Variants in DEPTOR observed in about 807,000 individuals in gnomAD.
DEPTOR encodes DEP domain-containing mTOR-interacting protein.
DEPTOR carries 41 observed loss-of-function variants against 41.6 expected under a neutral mutation model. The observed-to-expected ratio is 0.98, with a 90% CI of 0.77 to 1.28. The LOEUF (loss-of-function observed/expected upper bound fraction) is 1.28. Ranked by LOEUF, DEPTOR falls within the 50% of genes most tolerant of loss-of-function variation. The probability of loss-of-function intolerance (pLI) is 0.00; values close to 1 mark genes in which losing one functional copy is unlikely to be tolerated. For synonymous variants in DEPTOR, 195 were observed against 192.3 expected, an observed-to-expected ratio of 1.01 and a Z score of -0.12; for missense variants, 514 against 527.9, an observed-to-expected ratio of 0.97 and a Z score of 0.26.
At chr8:120,011,238 T>C (rs1812527505) in intron 8 of DEPTOR, among the ~76,000 whole-genome samples, 1 of 152,228 alleles carries the variant, frequency 6.6e-6, no homozygotes, top group Non-Finnish European at 1.5e-5. Flanking sequence ...GATTAGGGGC[T>C]GCTTCCACCT....
intron 8 of DEPTOR, among the ~76,000 whole-genome samples, chr8:120,032,251 C>G: frequency 7.7e-6 from 1 of 130,350 alleles, no homozygotes; most frequent in East Asian, 2.3e-4. Flanking sequence ...CAAAGTCTTG[C>G]TCTGTCACCC....
chr8:119,966,429 G>C (rs1000025658), intron 4 of DEPTOR, among the ~76,000 whole-genome samples: 2 of 152,210 alleles, frequency 1.3e-5, no homozygotes, highest in Admixed American at 6.6e-5. Flanking sequence ...AGGGCCAAGA[G>C]AACACTTTCC....
intron 3 of DEPTOR, among the ~76,000 whole-genome samples, chr8:119,936,783 G>T (rs1303764861): frequency 6.6e-6 from 1 of 152,146 alleles, no homozygotes; most frequent in African/African-American, 2.4e-5. Flanking sequence ...CAGCACTTTG[G>T]GAGGCCAAGG....
At chr8:119,929,409 C>T (rs1010128896) in intron 2 of DEPTOR, among the ~76,000 whole-genome samples, 1 of 152,124 alleles carries the variant, frequency 6.6e-6, no homozygotes, top group Non-Finnish European at 1.5e-5. Context: ...CTCTCCTTAC[C>T]TCTGTAGCCT....
chr8:119,967,310 C>G (rs1458188228), intron 4 of DEPTOR, among the ~76,000 whole-genome samples: 1 of 150,936 alleles, frequency 6.6e-6, no homozygotes, highest in Non-Finnish European at 1.5e-5. Flanking sequence ...ACAGTCTTCA[C>G]CTCAGGTGAT....
At chr8:120,040,251 G>A (rs1813042417) in intron 8 of DEPTOR, among the ~76,000 whole-genome samples, 1 of 152,122 alleles carries the variant, frequency 6.6e-6, no homozygotes, top group Non-Finnish European at 1.5e-5. Flanking sequence ...ACAGGTATGG[G>A]ATGAGCATTT....
At chr8:120,032,373 C>A (rs906155192) in intron 8 of DEPTOR, among the ~76,000 whole-genome samples, 1 of 152,082 alleles carries the variant, frequency 6.6e-6, no homozygotes, top group Non-Finnish European at 1.5e-5. Flanking sequence ...GTGCCTGACA[C>A]CATTCCCAGT....
intron 3 of DEPTOR, among the ~76,000 whole-genome samples, chr8:119,934,996 T>C (rs923968967): frequency 1.3e-5 from 2 of 151,784 alleles, no homozygotes; most frequent in East Asian, 1.9e-4. Flanking sequence ...TGTGGGGGAG[T>C]ATGAGAAAGA....
At chr8:119,983,283 CTG>C (rs1204202843) in intron 4 of DEPTOR, among the ~76,000 whole-genome samples, 1 of 149,920 alleles carries the variant, frequency 6.7e-6, no homozygotes, top group Non-Finnish European at 1.5e-5. Context: ...TGGAGTCTTT[CTG>C]TGTCTCCCAG....
At chr8:120,026,585 C>T (rs1345639976) in intron 8 of DEPTOR, among the ~76,000 whole-genome samples, 1 of 152,078 alleles carries the variant, frequency 6.6e-6, no homozygotes, top group African/African-American at 2.4e-5. Flanking sequence ...TCCGGTGATC[C>T]ACCCACCTCA....
At chr8:120,025,129 C>T (rs928889671) in intron 8 of DEPTOR, among the ~76,000 whole-genome samples, 4 of 152,200 alleles carry the variant, frequency 2.6e-5, no homozygotes, top group African/African-American at 9.6e-5. Context: ...TATTTAATTA[C>T]AAGCTACGTT....
At chr8:119,907,526 G>C (rs1460595176) in intron 1 of DEPTOR, among the ~76,000 whole-genome samples, 1 of 152,152 alleles carries the variant, frequency 6.6e-6, no homozygotes, top group East Asian at 1.9e-4. Flanking sequence ...GACTTTTTAG[G>C]TAGAGAAAGA....
intron 8 of DEPTOR, among the ~76,000 whole-genome samples, chr8:120,011,728 G>A (rs7833689): frequency 0.38 from 57,695 of 152,054 alleles, 11,497 homozygotes; most frequent in East Asian, 0.59. Flanking sequence ...ATACATAACC[G>A]TTCTGGGCAT....
chr8:119,932,642 A>ATTT (rs1414133831), intron 3 of DEPTOR, among the ~76,000 whole-genome samples: 4 of 152,214 alleles, frequency 2.6e-5, no homozygotes, highest in Non-Finnish European at 5.9e-5. Context: ...TGCCTGTAGC[A>ATTT]AAGCCCCTGC....
chr8:119,936,765 T>G (rs928289886), intron 3 of DEPTOR, among the ~76,000 whole-genome samples: 7 of 152,216 alleles, frequency 4.6e-5, no homozygotes, highest in African/African-American at 1.7e-4. Context: ...GGCCCACACC[T>G]GTTATCCCAG....
intron 8 of DEPTOR, among the ~76,000 whole-genome samples, chr8:120,041,547 TA>T (rs1563600859): frequency 1.3e-5 from 2 of 152,076 alleles, no homozygotes; most frequent in East Asian, 3.9e-4. Flanking sequence ...AACTTTTTTT[TA>T]AATTCTTCAA....
At chr8:120,030,121 G>T (rs7836028) in intron 8 of DEPTOR, among the ~76,000 whole-genome samples, 17,020 of 152,046 alleles carry the variant, frequency 0.11, 1,313 homozygotes, top group African/African-American at 0.21. Context: ...GCCTGGGGGT[G>T]CATGGGTGTC....
intron 4 of DEPTOR, among the ~76,000 whole-genome samples, chr8:119,984,515 A>T (rs977857273): frequency 6.6e-6 from 1 of 152,042 alleles, no homozygotes; most frequent in Admixed American, 6.6e-5. Context: ...GAGAACATGC[A>T]GTGTTTGGTT....
chr8:119,962,086 C>CAAAAAAAAAAAA (rs772605916), intron 3 of DEPTOR, among the ~76,000 whole-genome samples: 2 of 48,194 alleles, frequency 4.1e-5, no homozygotes, highest in African/African-American at 6.3e-5. Flanking sequence ...ACTAAAAATA[C>CAAAAAAAAAAAA]AAAAAAAAAA....
Sources: gnomAD v4.1 joint callset for allele counts (sites outside exome capture counted in the v4.1 genomes callset) on GRCh38, gnomAD v4.1.1 for gene constraint, MANE v1.5 for transcripts, NCBI Gene and HGNC (gene_info 2026-07-23, HGNC 2026-07-21) for gene names.